Variants in CXADR observed in about 807,000 individuals in gnomAD.
CXADR encodes CXADR cell adhesion molecule, also known as coxsackievirus and adenovirus receptor.
A neutral mutation model predicts 40.3 loss-of-function variants in CXADR; 20 were observed. The ratio of observed to expected loss-of-function variants is 0.50; its 90% CI spans 0.35 to 0.72. The LOEUF (loss-of-function observed/expected upper bound fraction) is 0.72, where lower values mean the gene tolerates loss of function less well. CXADR is among the 30% of genes least tolerant of loss of function. The pLI is 0.01. For synonymous variants in CXADR, 150 were observed against 161.3 expected, an observed-to-expected ratio of 0.93 and a Z score of 0.53; for missense variants, 332 against 449.1, an observed-to-expected ratio of 0.74 and a Z score of 2.36.
At chr21:17,625,148 C>A in the CXADR span, among the ~76,000 whole-genome samples, 3 of 152,042 alleles carry the variant, frequency 2.0e-5, no homozygotes, top group Non-Finnish European at 2.9e-5. Flanking sequence ...ACCAAAAAAG[C>A]CCCAGAGGCC....
chr21:17,552,841 C>T (rs916797438), intron 3 of CXADR, among the ~76,000 whole-genome samples: 7 of 152,138 alleles, frequency 4.6e-5, no homozygotes, highest in Admixed American at 3.3e-4. Flanking sequence ...TCAACATTTA[C>T]CTCATTCCTT....
chr21:17,514,915 T>A (rs565530431), intron 1 of CXADR, among the ~76,000 whole-genome samples: 1 of 152,122 alleles, frequency 6.6e-6, no homozygotes, highest in South Asian at 2.1e-4. Flanking sequence ...TGAGCCACCA[T>A]GCCTGGCAGG....
At chr21:17,534,019 T>TATATATAGCTATATATATATATATATAC (rs1356079376) in intron 1 of CXADR, among the ~76,000 whole-genome samples, 1 of 81,396 alleles carries the variant, frequency 1.2e-5, no homozygotes, top group East Asian at 3.8e-4. Context: ...TATATATATA[T>TATATATAGCTATATATATATATATATAC]ATATATATAG....
Position 17,586,418 on chromosome 21 carries a change from A to T in CXADR, c.1018-6734A>T, listed in dbSNP as rs1053819353. Among the ~76,000 whole-genome samples, 4 of 147,756 alleles carry T rather than the reference A, an allele frequency of 2.7e-5. No homozygotes were observed. In the East Asian group the frequency reaches 7.8e-4, roughly 29 times the overall value. On this transcript the variant is annotated intron_variant, in intron 7 of 7. Transcript: ENST00000400169. ...TATAATGTGTATATATATATATAATATATATTATATATGTATAATCCTTCC... is the reference window on the plus strand; with the variant it reads ...TATAATGTGTATATATATATATAATTTATATTATATATGTATAATCCTTCC...
chr21:17,537,983 G>A (rs1319034658), intron 1 of CXADR, among the ~76,000 whole-genome samples: 1 of 152,022 alleles, frequency 6.6e-6, no homozygotes, highest in Non-Finnish European at 1.5e-5. Flanking sequence ...AAGGTGGGAT[G>A]GAGCAGAAGA....
intron 1 of CXADR, among the ~76,000 whole-genome samples, chr21:17,527,920 C>G (rs181912891): frequency 6.6e-6 from 1 of 151,324 alleles, no homozygotes; most frequent in East Asian, 2.0e-4. Context: ...CACCCCCTGC[C>G]CCAGCATTAT....
chr21:17,559,248 C>T (rs954703456), intron 4 of CXADR, 117 bp downstream of exon 4: 19 of 1,067,862 alleles, frequency 1.8e-5, no homozygotes, highest in Admixed American at 1.1e-4. Flanking sequence ...ACTGCAATCA[C>T]GGCTCACTGA....
intron 1 of CXADR, among the ~76,000 whole-genome samples, chr21:17,535,072 G>A (rs1210820128): frequency 2.6e-5 from 4 of 151,640 alleles, no homozygotes; most frequent in African/African-American, 7.3e-5. Context: ...ATGAGCCACC[G>A]CGCCCGGCCT....
the CXADR span, among the ~76,000 whole-genome samples, chr21:17,621,438 G>A: frequency 6.6e-6 from 1 of 152,078 alleles, no homozygotes; most frequent in Non-Finnish European, 1.5e-5. Context: ...TAGAGCATTG[G>A]GAACAGTGCA....
At position 17,584,347 on chromosome 21, in the gene CXADR, T is replaced by C. The variant is rs544163038; in HGVS notation, c.1018-8805T>C. ...CTTTGGCTTTTTATTTATTTTGGTC[T>C]GTAACAGCGATGTGAAGATCATCTT... On this transcript the variant is annotated intron_variant, in intron 7 of 7. Coordinates refer to the CXADR transcript ENST00000400169. Among the ~76,000 whole-genome samples, 10 of 152,354 alleles carry C rather than the reference T, an allele frequency of 6.6e-5. 1 individual carries two copies. Among genetic ancestry groups the C allele is most frequent in the Non-Finnish European group, 1.5e-4 (10 of 68,042 alleles).
intron 1 of CXADR, among the ~76,000 whole-genome samples, chr21:17,539,055 C>T (rs1313818621): frequency 1.3e-5 from 2 of 152,164 alleles, no homozygotes; most frequent in East Asian, 3.8e-4. Context: ...TTCATTTTGT[C>T]TCCAGGTTTG....
the CXADR span, among the ~76,000 whole-genome samples, chr21:17,601,872 T>C: frequency 1.3e-5 from 2 of 152,206 alleles, no homozygotes; most frequent in Non-Finnish European, 2.9e-5. Flanking sequence ...GGATCAGCAT[T>C]ATTAACTCAG....
chr21:17,513,294 G>A, intron 1 of CXADR, 122 bp downstream of exon 1: 1 of 947,790 alleles, frequency 1.1e-6, no homozygotes. Flanking sequence ...CGCTGCTGCA[G>A]GGGCGGCGGG....
In CXADR at chr21:17,560,683, CT is replaced by C. The variant is rs2061105620; in HGVS notation, c.572-14del. On this transcript the variant is annotated intron_variant, in intron 4 of 6. Coordinates refer to ENST00000284878, the MANE Select transcript of CXADR (RefSeq NM_001338.5). ...CATACTATAAAAATGAGTTTGTTTT[CT>C]TTTTCCTCCTTCCATAGAAATGACT... 1 of 1,607,244 alleles carries C rather than the reference CT, an allele frequency of 6.2e-7. No homozygotes were observed. The highest frequency in any genetic ancestry group is 2.2e-5 in the East Asian group (1 of 44,790).
Position 17,570,035 on chromosome 21 carries a change from T to C in CXADR, c.*4343T>C. The C allele has an allele frequency of 1.0e-6, 1 of 985,444 alleles. No individual in the cohort carries two copies. The highest frequency in any genetic ancestry group is 1.2e-6 in the Non-Finnish European group (1 of 829,924). 61.0% of individuals were successfully genotyped at this position (985,444 alleles called of 1,614,324 possible). A position where few individuals can be genotyped will look rare whatever the true frequency, so the allele number is the denominator to read the frequency against. ...TGAAATTTGTAAGAACAAAATTTGTTAAGAAAAACAACTTGCTCTAGTTTT... is the reference window on the plus strand; with the variant it reads ...TGAAATTTGTAAGAACAAAATTTGTCAAGAAAAACAACTTGCTCTAGTTTT... On this transcript the variant is annotated 3_prime_UTR_variant, in exon 7 of 7. Coordinates refer to ENST00000284878, the MANE Select transcript of CXADR (RefSeq NM_001338.5).
chr21:17,522,635 A>G (rs1489245813), intron 1 of CXADR, among the ~76,000 whole-genome samples: 1 of 152,150 alleles, frequency 6.6e-6, no homozygotes, highest in Non-Finnish European at 1.5e-5. Flanking sequence ...GTCACATCGT[A>G]TCTTCAGCCT....
intron 1 of CXADR, among the ~76,000 whole-genome samples, chr21:17,544,955 A>G (rs777741262): frequency 6.6e-6 from 1 of 151,442 alleles, no homozygotes; most frequent in African/African-American, 2.5e-5. Flanking sequence ...TCATGCAGTG[A>G]CTAACTCCTC....
intron 1 of CXADR, among the ~76,000 whole-genome samples, chr21:17,540,212 T>C (rs957114690): frequency 1.1e-4 from 16 of 152,134 alleles, no homozygotes; most frequent in African/African-American, 3.9e-4. Context: ...CATTTAATCT[T>C]AATCACTTCC....
chr21:17,585,549 C>T (rs1050969643), intron 7 of CXADR, among the ~76,000 whole-genome samples: 3 of 152,028 alleles, frequency 2.0e-5, no homozygotes, highest in African/African-American at 4.8e-5. Context: ...GACCGAGTCT[C>T]GCTCTGTCGT....
Sources: gnomAD v4.1 joint callset for allele counts (sites outside exome capture counted in the v4.1 genomes callset) on GRCh38, gnomAD v4.1.1 for gene constraint, MANE v1.5 for transcripts, NCBI Gene and HGNC (gene_info 2026-07-23, HGNC 2026-07-21) for gene names.